The following UNC79 variants were observed in gnomAD, a reference collection of about 807,000 sequenced individuals.
UNC79 encodes the protein protein unc-79 homolog.
Under a neutral mutation model 283.1 loss-of-function variants are expected in UNC79, and 37 were observed. That is an observed-to-expected ratio of 0.13 (90% CI 0.10 to 0.17). UNC79 has a LOEUF of 0.17. Ranked by LOEUF, UNC79 falls within the 10% of genes least tolerant of loss-of-function variation. The pLI, the probability that UNC79 is intolerant of heterozygous loss-of-function variation, is 1.00. For synonymous variants in UNC79, 1,107 were observed against 1,200.2 expected, an observed-to-expected ratio of 0.92 and a Z score of 1.61; for missense variants, 2,272 against 3,211.1, an observed-to-expected ratio of 0.71 and a Z score of 7.07.
chr14:93,468,908 T>A (rs1298117709), intron 2 of UNC79, among the ~76,000 whole-genome samples: 1 of 152,210 alleles, frequency 6.6e-6, no homozygotes, highest in African/African-American at 2.4e-5. Flanking sequence ...TGTAGTGGAA[T>A]AATTAGCCCA....
chr14:93,407,444 G>A (rs1040180495), intron 1 of UNC79, among the ~76,000 whole-genome samples: 3 of 152,176 alleles, frequency 2.0e-5, no homozygotes, highest in African/African-American at 7.2e-5. Flanking sequence ...GACTTGTGGG[G>A]AGGACACCCA....
At chr14:93,495,735 C>T (rs566749646) in intron 5 of UNC79, among the ~76,000 whole-genome samples, 2 of 152,302 alleles carry the variant, frequency 1.3e-5, no homozygotes, top group Admixed American at 1.3e-4. Context: ...AAAGTGTGAA[C>T]TGCTTCAATG....
intron 1 of UNC79, among the ~76,000 whole-genome samples, chr14:93,337,197 A>G (rs949742985): frequency 6.6e-6 from 1 of 152,194 alleles, no homozygotes; most frequent in African/African-American, 2.4e-5. Flanking sequence ...ATCAGCATGC[A>G]CTTCATTCTG....
Position 93,578,193 on chromosome 14 carries a change from C to A in UNC79, c.2433+130C>A, listed in dbSNP as rs932500738. On this transcript the variant is annotated intron_variant, in intron 18 of 48. Coordinates refer to ENST00000555664, the Ensembl canonical transcript of UNC79. ...ATTCAGCATCACCCAAGACCTTTTG[C>A]AAACTCCTTTGGAGATTTTCTAAAA... 5 of 859,876 alleles carry A rather than the reference C, an allele frequency of 5.8e-6. No homozygotes were observed. In the African/African-American group the frequency reaches 6.8e-5, roughly 12 times the overall value. 53.3% of individuals were successfully genotyped at this position (859,876 alleles called of 1,614,324 possible). A position where few individuals can be genotyped will look rare whatever the true frequency, so the allele number is the denominator to read the frequency against.
At chr14:93,571,644 A>G (rs573915452) in intron 14 of UNC79, among the ~76,000 whole-genome samples, 1 of 152,230 alleles carries the variant, frequency 6.6e-6, no homozygotes, top group Non-Finnish European at 1.5e-5. Context: ...AATCAACAGT[A>G]GCATCATTAA....
intron 1 of UNC79, among the ~76,000 whole-genome samples, chr14:93,417,293 C>G (rs946513034): frequency 6.6e-6 from 1 of 151,990 alleles, no homozygotes; most frequent in Non-Finnish European, 1.5e-5. Context: ...CTTAGTTTGG[C>G]TGGATATGAA....
chr14:93,357,714 T>C (rs12887588), intron 1 of UNC79, among the ~76,000 whole-genome samples: 1 of 125,014 alleles, frequency 8.0e-6, no homozygotes, highest in East Asian at 2.2e-4. Flanking sequence ...TATATATATA[T>C]ATATATGGAT....
chr14:93,582,170 T>C, intron 19 of UNC79, 33 bp from the exon 20 acceptor site: 1 of 1,613,986 alleles, frequency 6.2e-7, no homozygotes, highest in Non-Finnish European at 8.5e-7. Context: ...CCTCCAGGGC[T>C]GCTTACCTGG....
intron 26 of UNC79, 22 bp downstream of exon 26, chr14:93,603,440 T>C: frequency 6.2e-7 from 1 of 1,611,470 alleles, no homozygotes; most frequent in Non-Finnish European, 8.5e-7. Flanking sequence ...TCTTTCATCC[T>C]TCCGTTAAAT....
intron 14 of UNC79, among the ~76,000 whole-genome samples, chr14:93,551,048 T>G (rs1396467791): frequency 6.6e-6 from 1 of 151,878 alleles, no homozygotes; most frequent in African/African-American, 2.4e-5. Context: ...ATTTATTTAT[T>G]TATTTTATTT....
At chr14:93,343,058 GTCT>G (rs1326062236) in intron 1 of UNC79, among the ~76,000 whole-genome samples, 1 of 152,146 alleles carries the variant, frequency 6.6e-6, no homozygotes, top group African/African-American at 2.4e-5. Context: ...ACATCTTCCT[GTCT>G]TCTTCTGAGC....
intron 24 of UNC79, among the ~76,000 whole-genome samples, chr14:93,599,138 A>T (rs1234307997): frequency 6.6e-6 from 1 of 152,198 alleles, no homozygotes; most frequent in Admixed American, 6.5e-5. Context: ...AAGAGCTGAC[A>T]TTCCTCAGAT....
rs537092412 is a variant in UNC79 at position 93,561,052 on chromosome 14, A to G, written c.1756-10842A>G. ...GGAAGGTAGCCAAGGATGGAGGGAA[A>G]TACAGGGTGTCTTCCTAAGCAATAA... is the stretch of plus-strand genomic sequence containing the variant. On this transcript the variant is annotated intron_variant, in intron 14 of 48. Coordinates refer to ENST00000555664, the Ensembl canonical transcript of UNC79. Among the ~76,000 whole-genome samples the G allele has an allele frequency of 1.9e-4, 29 of 152,266 alleles. No individual in the cohort carries two copies. The Middle Eastern group carries it at 0.01, about 54-fold the overall frequency.
intron 22 of UNC79, among the ~76,000 whole-genome samples, chr14:93,591,398 T>C (rs2064666169): frequency 6.6e-6 from 1 of 152,234 alleles, no homozygotes; most frequent in South Asian, 2.1e-4. Context: ...TAACCTCTAA[T>C]AGCTTACTGT....
intron 1 of UNC79, 109 bp downstream of exon 1, chr14:93,431,160 G>T: frequency 1.8e-6 from 1 of 549,478 alleles, no homozygotes; most frequent in Non-Finnish European, 3.3e-6. Flanking sequence ...TGCGGGGGTG[G>T]GGGCTGAGGT....
chr14:93,458,556 G>T (rs2056857041), intron 1 of UNC79, among the ~76,000 whole-genome samples: 1 of 152,144 alleles, frequency 6.6e-6, no homozygotes, highest in African/African-American at 2.4e-5. Context: ...AATTTTGGGG[G>T]GCTCCATAGG....
intron 11 of UNC79, among the ~76,000 whole-genome samples, chr14:93,535,657 T>C (rs2061035432): frequency 6.6e-6 from 1 of 152,136 alleles, no homozygotes; most frequent in South Asian, 2.1e-4. Context: ...ATGGGGTGAC[T>C]TGAAGACTAG....
Position 93,694,317 on chromosome 14 carries a change from T to C in UNC79, c.7471-18T>C. On this transcript the variant is annotated intron_variant, in intron 46 of 48. Transcript: ENST00000555664. ...ATATCACTGGAAATGGAATTAACTT[T>C]CATGTTTGTTGTTTCAGATGGTAGA... The C allele has an allele frequency of 6.2e-7, 1 of 1,603,034 alleles. No individual in the cohort carries two copies. The highest frequency in any genetic ancestry group is 8.5e-7 in the Non-Finnish European group (1 of 1,170,764).
At chr14:93,522,789 A>C (rs376381367) in intron 7 of UNC79, among the ~76,000 whole-genome samples, 1 of 151,990 alleles carries the variant, frequency 6.6e-6, no homozygotes, top group Non-Finnish European at 1.5e-5. Context: ...AAATAAATAG[A>C]CCTGTTGTAT....
Sources: allele counts gnomAD v4.1 joint callset (sites outside exome capture counted in the v4.1 genomes callset), GRCh38; gene constraint gnomAD v4.1.1; transcripts MANE v1.5; gene names NCBI Gene and HGNC (gene_info 2026-07-23, HGNC 2026-07-21).